NECAB1: variants seen among roughly 807,000 people sequenced by gnomAD.
NECAB1 encodes the protein N-terminal EF-hand calcium-binding protein 1.
Under a neutral mutation model 57.5 loss-of-function variants are expected in NECAB1, and 29 were observed. That is an observed-to-expected ratio of 0.50 (90% confidence interval 0.38 to 0.69). The LOEUF (loss-of-function observed/expected upper bound fraction) is 0.69, where lower values mean the gene tolerates loss of function less well. Ranked by LOEUF, NECAB1 falls within the 30% of genes least tolerant of loss-of-function variation. The probability of loss-of-function intolerance (pLI) is 0.00; values close to 1 mark genes in which losing one functional copy is unlikely to be tolerated. For missense variants in NECAB1, 372 were observed against 413.8 expected (o/e 0.90, Z 0.88); for synonymous variants, 142 against 147.7 (o/e 0.96, Z 0.28).
chr8:90,845,472 T>C (rs1447078846), intron 3 of NECAB1, among the ~76,000 whole-genome samples: 1 of 152,236 alleles, frequency 6.6e-6, no homozygotes, highest in Non-Finnish European at 1.5e-5. Context: ...CTACCCAGTA[T>C]GCTACTTCAT....
chr8:90,874,985 C>T (rs940447812), intron 4 of NECAB1, among the ~76,000 whole-genome samples: 3 of 151,388 alleles, frequency 2.0e-5, no homozygotes, highest in Admixed American at 1.3e-4. Flanking sequence ...TCAGTCAATA[C>T]ATAACTCAGT....
intron 12 of NECAB1, among the ~76,000 whole-genome samples, chr8:90,954,860 T>C (rs1337918977): frequency 2.7e-5 from 4 of 148,258 alleles, no homozygotes; most frequent in African/African-American, 7.4e-5. Context: ...TAAATATATG[T>C]ATACATATGC....
At chr8:90,811,741 A>G (rs1811963631) in intron 2 of NECAB1, among the ~76,000 whole-genome samples, 1 of 152,156 alleles carries the variant, frequency 6.6e-6, no homozygotes. Flanking sequence ...CCTTTCAGGT[A>G]GGCTTTCTTA....
chr8:90,824,655 G>A, intron 2 of NECAB1, 62 bp from the exon 3 acceptor site: 2 of 1,136,426 alleles, frequency 1.8e-6, no homozygotes, highest in South Asian at 3.3e-5. Flanking sequence ...GTTTTATAAA[G>A]CAAAAACAGA....
At chr8:90,906,855 T>G (rs1809662877) in intron 5 of NECAB1, among the ~76,000 whole-genome samples, 2 of 75,564 alleles carry the variant, frequency 2.6e-5, no homozygotes, top group Non-Finnish European at 2.2e-5. Flanking sequence ...TAATCCACCT[T>G]TTCCTTACAT....
At chr8:90,909,440 G>T (rs1212729350) in intron 5 of NECAB1, among the ~76,000 whole-genome samples, 1 of 151,808 alleles carries the variant, frequency 6.6e-6, no homozygotes, top group Non-Finnish European at 1.5e-5. Context: ...AGTCTCCCTG[G>T]TTGTTTTGGT....
chr8:90,951,075 T>C, intron 11 of NECAB1, 38 bp from the exon 12 acceptor site: 2 of 1,292,174 alleles, frequency 1.5e-6, no homozygotes, highest in Non-Finnish European at 2.2e-6. Context: ...AGATTGTAAA[T>C]AAAAATGCAC....
At chr8:90,835,967 T>G (rs1429032200) in intron 3 of NECAB1, among the ~76,000 whole-genome samples, 1 of 152,230 alleles carries the variant, frequency 6.6e-6, no homozygotes, top group Non-Finnish European at 1.5e-5. Flanking sequence ...GAAGGAGAAC[T>G]GATTCCTTTT....
intron 5 of NECAB1, among the ~76,000 whole-genome samples, chr8:90,906,874 C>CATATATATATATATATATATATAT (rs1290352726): frequency 7.0e-5 from 3 of 42,652 alleles, no homozygotes; most frequent in African/African-American, 6.4e-4. Flanking sequence ...ATATGATATA[C>CATATATATATATATATATATATAT]ACATATATAT....
chr8:90,883,454 C>T (rs529030417), intron 5 of NECAB1, among the ~76,000 whole-genome samples: 252 of 152,204 alleles, frequency 1.7e-3, no homozygotes, highest in African/African-American at 5.8e-3. Context: ...ATAAAAAGTC[C>T]TGTCTCAGTA....
At chr8:90,861,264 A>T (rs1051924629) in intron 3 of NECAB1, among the ~76,000 whole-genome samples, 1 of 152,146 alleles carries the variant, frequency 6.6e-6, no homozygotes, top group Non-Finnish European at 1.5e-5. Flanking sequence ...AGCTCTGTAA[A>T]TAGGGACTTC....
intron 10 of NECAB1, among the ~76,000 whole-genome samples, chr8:90,947,585 G>A (rs58757274): frequency 6.6e-6 from 1 of 151,980 alleles, no homozygotes; most frequent in Non-Finnish European, 1.5e-5. Context: ...ATTTTTAGTA[G>A]AGACAGGGTT....
chr8:90,859,673 G>C (rs113738280), intron 3 of NECAB1, among the ~76,000 whole-genome samples: 432 of 152,204 alleles, frequency 2.8e-3, no homozygotes, highest in African/African-American at 1.0e-2. Context: ...TAAGTTTCAA[G>C]CTTTATTATT....
At chr8:90,799,073 C>T (rs1013442729) in intron 1 of NECAB1, among the ~76,000 whole-genome samples, 6 of 151,980 alleles carry the variant, frequency 3.9e-5, no homozygotes, top group Admixed American at 2.0e-4. Context: ...AGCATTTTTT[C>T]GTATGTTTGT....
At chr8:90,794,149 T>C (rs1388299883) in intron 1 of NECAB1, among the ~76,000 whole-genome samples, 1 of 152,230 alleles carries the variant, frequency 6.6e-6, no homozygotes, top group East Asian at 1.9e-4. Context: ...GGAAAAGATT[T>C]TGTTTACACT....
intron 3 of NECAB1, among the ~76,000 whole-genome samples, chr8:90,868,262 C>A (rs1417222809): frequency 6.6e-6 from 1 of 152,042 alleles, no homozygotes; most frequent in Non-Finnish European, 1.5e-5. Flanking sequence ...ATAGCAATCC[C>A]AGAATGGATC....
At chr8:90,882,565 T>C (rs755277001) in intron 5 of NECAB1, among the ~76,000 whole-genome samples, 17 of 152,196 alleles carry the variant, frequency 1.1e-4, no homozygotes, top group Admixed American at 9.2e-4. Context: ...AATTATCTGC[T>C]TTGTGTGTCT....
chr8:90,922,044 G>C (rs549237119), intron 6 of NECAB1, among the ~76,000 whole-genome samples: 1 of 152,238 alleles, frequency 6.6e-6, no homozygotes, highest in African/African-American at 2.4e-5. Context: ...ATCTGCCCTG[G>C]CAAACTGACT....
In NECAB1 at chr8:90,940,825, G is replaced by T; in HGVS notation, c.787G>T (p.Glu263Ter). The part of the protein sequence containing the change: ...LVQRQMSVIE[E>*]DLEEFQLALK... ...GCAGCGGCAGATGTCTGTGATAGAA[G>T]AGGACCTGGAAGAATTCCAGCTCGC... is the stretch of plus-strand genomic sequence containing the variant. Residue 263 changes from glutamate to a stop codon, truncating the protein, a stop_gained, in exon 10 of 13, where the codon GAG becomes TAG. Coordinates refer to ENST00000417640, the MANE Select transcript of NECAB1 (RefSeq NM_022351.5). LOFTEE classifies it high-confidence loss of function. The T allele has an allele frequency of 6.4e-7, 1 of 1,564,250 alleles. No homozygotes were observed. Among genetic ancestry groups the T allele is most frequent in the African/African-American group, 1.4e-5 (1 of 73,742 alleles).
Sources: allele counts gnomAD v4.1 joint callset (sites outside exome capture counted in the v4.1 genomes callset), GRCh38; gene constraint gnomAD v4.1.1; transcripts MANE v1.5; gene names NCBI Gene and HGNC (gene_info 2026-07-23, HGNC 2026-07-21).